TRAP1: variants seen among roughly 807,000 people sequenced by gnomAD.
The protein encoded by TRAP1 is heat shock protein 75 kDa, mitochondrial.
In TRAP1, 102 loss-of-function variants were observed where a neutral mutation model predicts 89.1. The ratio of observed to expected loss-of-function variants is 1.15; its 90% CI spans 0.98 to 1.35. TRAP1 has a LOEUF of 1.35. Ranked by LOEUF, TRAP1 falls within the 40% of genes most tolerant of loss-of-function variation. TRAP1 has a pLI of 0.00. For missense variants in TRAP1, 1,256 were observed against 945.3 expected, an observed-to-expected ratio of 1.33 and a Z score of -4.31; for synonymous variants, 508 against 388.0, an observed-to-expected ratio of 1.31 and a Z score of -3.64.
chr16:3,700,899 A>T (rs1311767901), intron 1 of TRAP1, among the ~76,000 whole-genome samples: 5 of 152,252 alleles, frequency 3.3e-5, no homozygotes, highest in African/African-American at 1.2e-4. Flanking sequence ...AAAACAGGGA[A>T]AAAATCCAAA....
chr16:3,672,512 G>A (rs79118673), intron 10 of TRAP1, among the ~76,000 whole-genome samples, 188 bp downstream of exon 10: 42 of 152,268 alleles, frequency 2.8e-4, no homozygotes, highest in African/African-American at 9.1e-4. Flanking sequence ...CCCCAGATCA[G>A]TCATGTGCGT....
intron 4 of TRAP1, among the ~76,000 whole-genome samples, chr16:3,684,328 T>G (rs1056466451): frequency 2.6e-5 from 4 of 152,162 alleles, no homozygotes; most frequent in African/African-American, 9.7e-5. Context: ...CAGTGATAAA[T>G]TAAGGCTGCA....
rs2050931751 is a variant in TRAP1, at chr16:3,672,747, T to C, written c.1118A>G (p.Gln373Arg). The change falls in exon 10 of 18, where the codon CAG (glutamine) becomes CGG (arginine). Residue 373 changes from glutamine (Q) to arginine (R), a missense_variant. Coordinates refer to ENST00000246957, the MANE Select transcript of TRAP1 (RefSeq NM_016292.3). The stretch of plus-strand genomic sequence containing the variant: ...GGGCAGGATGTCCGTGGCCTTGGTC[T>C]GGATGAGGACTTTGCGGCTGTACAG... ...VALYSRKVLI[Q>R]TKATDILPKW... is the part of the protein sequence containing the mutation. 1 of 1,611,562 alleles carries C rather than the reference T, an allele frequency of 6.2e-7. No homozygotes were observed.
At chr16:3,670,411 A>G (rs79546793) in intron 11 of TRAP1, among the ~76,000 whole-genome samples, 3 of 144,328 alleles carry the variant, frequency 2.1e-5, no homozygotes, top group Admixed American at 1.4e-4. Flanking sequence ...AAAAAAAAAA[A>G]TCTAAGTGGC....
chr16:3,678,839 C>T (rs1472169606), intron 5 of TRAP1, among the ~76,000 whole-genome samples: 1 of 152,168 alleles, frequency 6.6e-6, no homozygotes, highest in African/African-American at 2.4e-5. Context: ...GCTGGAGGTT[C>T]CCAGGCTGTT....
chr16:3,665,730 C>G (rs2050816259), intron 12 of TRAP1, among the ~76,000 whole-genome samples: 1 of 152,238 alleles, frequency 6.6e-6, no homozygotes, highest in Non-Finnish European at 1.5e-5. Context: ...CACCTTCACA[C>G]AGCAGTGAGG....
rs141765330 is a variant in TRAP1, at chr16:3,684,829, G to A, written c.471+1167C>T. On this transcript the variant is annotated intron_variant, in intron 4 of 17. Coordinates refer to ENST00000246957, the MANE Select transcript of TRAP1 (RefSeq NM_016292.3). ...AAAGATGAAACAAATGGACCATGAC[G>A]CTCCCATCGGCTATTGAGAATAGAA... is the stretch of plus-strand genomic sequence containing the variant. Among the ~76,000 whole-genome samples the A allele has an allele frequency of 3.0e-3, 456 of 152,128 alleles. 2 individuals carry two copies. Among genetic ancestry groups the A allele is most frequent in the Non-Finnish European group, 5.0e-3 (339 of 67,998 alleles).
chr16:3,659,836 G>A (rs1490229021), intron 16 of TRAP1: 2 of 151,976 alleles, frequency 1.3e-5, no homozygotes, highest in Non-Finnish European at 2.9e-5. Flanking sequence ...GCTCACCGCA[G>A]CCTCCTGGTT....
chr16:3,666,699 T>A (rs186425392), intron 11 of TRAP1, among the ~76,000 whole-genome samples: 1 of 152,164 alleles, frequency 6.6e-6, no homozygotes, highest in African/African-American at 2.4e-5. Context: ...ACATTCTACA[T>A]GTACATAACA....
At chr16:3,677,061 A>G (rs1462502961) in intron 6 of TRAP1, 2 of 145,456 alleles carry the variant, frequency 1.4e-5, no homozygotes, top group East Asian at 2.0e-4. Context: ...TCCCAAAGGA[A>G]AAAAAAAAAA....
intron 4 of TRAP1, among the ~76,000 whole-genome samples, chr16:3,681,829 C>A (rs1227426339): frequency 6.6e-6 from 1 of 152,086 alleles, no homozygotes; most frequent in Non-Finnish European, 1.5e-5. Flanking sequence ...CAGTCTAAAT[C>A]CTCACAGGTT....
intron 1 of TRAP1, among the ~76,000 whole-genome samples, chr16:3,703,121 G>A (rs191779358): frequency 1.1e-4 from 15 of 135,472 alleles, no homozygotes; most frequent in Non-Finnish European, 1.7e-4. Flanking sequence ...CCTATATACA[G>A]AAAACTAGTT....
At chr16:3,690,448 T>C (rs944735064) in intron 2 of TRAP1, among the ~76,000 whole-genome samples, 1 of 152,206 alleles carries the variant, frequency 6.6e-6, no homozygotes, top group Non-Finnish European at 1.5e-5. Flanking sequence ...CAGGACTGGC[T>C]CCAAAGACTG....
intron 6 of TRAP1, 96 bp downstream of exon 6, chr16:3,677,402 C>G: frequency 6.7e-7 from 1 of 1,502,944 alleles, no homozygotes; most frequent in Non-Finnish European, 9.2e-7. Flanking sequence ...CCAGAAAATG[C>G]CTGTGTACGT....
At chr16:3,711,619 A>G (rs1445110168) in intron 1 of TRAP1, among the ~76,000 whole-genome samples, 1 of 152,008 alleles carries the variant, frequency 6.6e-6, no homozygotes, top group African/African-American at 2.4e-5. Flanking sequence ...AAAAAAAAAC[A>G]AAAACCAAAA....
At position 3,690,964 on chromosome 16, in the gene TRAP1, C is replaced by T. The variant is rs766726126; in HGVS notation, c.110G>A (p.Arg37Gln). Reference protein sequence around the residue: ...VPGGKPILCPRRTTAQLGPRR... With the variant: ...VPGGKPILCPQRTTAQLGPRR... Reference sequence around the variant, plus strand: ...GGGGCCCAACTGGGCTGTGGTCCTCCGAGGACACAGAATTGGTTTTCCTGA... The same window carrying T: ...GGGGCCCAACTGGGCTGTGGTCCTCTGAGGACACAGAATTGGTTTTCCTGA... The change falls in exon 2 of 18, where the codon CGG becomes CAG. Residue 37 changes from arginine to glutamine, a missense_variant. Physicochemically the swap from Arg to Gln is conservative, Grantham distance 43. Coordinates refer to ENST00000246957, the MANE Select transcript of TRAP1 (RefSeq NM_016292.3). 17 of 1,539,182 alleles carry T rather than the reference C, an allele frequency of 1.1e-5. No homozygotes were observed. The highest frequency in any genetic ancestry group is 4.2e-5 in the African/African-American group (3 of 70,936).
intron 1 of TRAP1, among the ~76,000 whole-genome samples, chr16:3,711,092 G>C (rs1310851728): frequency 6.6e-6 from 1 of 151,112 alleles, no homozygotes; most frequent in Non-Finnish European, 1.5e-5. Context: ...GCCCAGGCTG[G>C]TCTCAAACTC....
intron 9 of TRAP1, 91 bp from the exon 10 acceptor site, chr16:3,672,911 A>G: frequency 6.8e-7 from 1 of 1,480,340 alleles, no homozygotes; most frequent in Non-Finnish European, 9.0e-7. Flanking sequence ...ATGAATCCAG[A>G]GCCCACTCCC....
intron 1 of TRAP1, among the ~76,000 whole-genome samples, chr16:3,697,243 G>A (rs1240120993): frequency 6.6e-6 from 1 of 152,146 alleles, no homozygotes; most frequent in East Asian, 1.9e-4. Context: ...GCAAAACTGA[G>A]CACTGTCCCG....
Sources: gnomAD v4.1 joint callset for allele counts (sites outside exome capture counted in the v4.1 genomes callset) on GRCh38, gnomAD v4.1.1 for gene constraint, MANE v1.5 for transcripts, NCBI Gene and HGNC (gene_info 2026-07-23, HGNC 2026-07-21) for gene names.